Variants in CSMD1 observed in about 807,000 individuals in gnomAD.
CSMD1 encodes CUB and sushi domain-containing protein 1.
A neutral mutation model predicts 417.5 loss-of-function variants in CSMD1; 213 were observed. That is an observed-to-expected ratio of 0.51 (90% CI 0.46 to 0.57). CSMD1 has a LOEUF of 0.57. Among genes scored for constraint, CSMD1 ranks in the 20% least tolerant of loss-of-function variants. The pLI, the probability that CSMD1 is intolerant of heterozygous loss-of-function variation, is 0.00. For synonymous variants in CSMD1, 2,862 were observed against 1,736.8 expected (o/e 1.65, Z -16.11); for missense variants, 6,923 against 4,529.7 (o/e 1.53, Z -15.17).
At chr8:4,838,554 C>T (rs189417238) in intron 1 of CSMD1, among the ~76,000 whole-genome samples, 7 of 152,314 alleles carry the variant, frequency 4.6e-5, no homozygotes, top group Admixed American at 3.9e-4. Context: ...CCTGCTTACA[C>T]CTGGGTGGGG....
chr8:4,842,878 G>T (rs1161821775), intron 1 of CSMD1, among the ~76,000 whole-genome samples: 2 of 152,218 alleles, frequency 1.3e-5, no homozygotes, highest in African/African-American at 4.8e-5. Context: ...CTTATCAATA[G>T]AACAATGGAA....
At chr8:4,484,578 T>G (rs1242559740) in intron 2 of CSMD1, among the ~76,000 whole-genome samples, 4 of 152,060 alleles carry the variant, frequency 2.6e-5, no homozygotes, top group African/African-American at 9.7e-5. Context: ...CATCACTCGC[T>G]CTCTCAGGTA....
intron 3 of CSMD1, among the ~76,000 whole-genome samples, chr8:4,252,436 G>T (rs1047603636): frequency 2.6e-5 from 4 of 152,178 alleles, no homozygotes; most frequent in African/African-American, 9.7e-5. Flanking sequence ...AAATAAACTC[G>T]AGGGGACCTG....
intron 1 of CSMD1, among the ~76,000 whole-genome samples, chr8:4,960,407 C>T (rs1356185161): frequency 6.6e-6 from 1 of 152,186 alleles, no homozygotes; most frequent in South Asian, 2.1e-4. Context: ...CTACCGATCT[C>T]ACTCTTCTTT....
intron 62 of CSMD1, among the ~76,000 whole-genome samples, chr8:2,959,724 C>G (rs758255067): frequency 1.3e-5 from 2 of 152,070 alleles, no homozygotes; most frequent in Non-Finnish European, 2.9e-5. Flanking sequence ...AAATGGCTCA[C>G]TTTGTGTAAG....
intron 3 of CSMD1, among the ~76,000 whole-genome samples, chr8:4,184,901 C>T (rs562321327): frequency 6.7e-6 from 1 of 149,522 alleles, no homozygotes; most frequent in Admixed American, 6.6e-5. Context: ...AGTTCAAGAC[C>T]AGCCTCTGGG....
intron 68 of CSMD1, among the ~76,000 whole-genome samples, chr8:2,947,934 T>A (rs1192663615): frequency 6.6e-6 from 1 of 151,978 alleles, no homozygotes; most frequent in Non-Finnish European, 1.5e-5. Flanking sequence ...TATCCTTTTT[T>A]TTTTTTTGGC....
chr8:3,716,553 G>T (rs578012474), intron 6 of CSMD1, among the ~76,000 whole-genome samples: 1 of 152,114 alleles, frequency 6.6e-6, no homozygotes, highest in Non-Finnish European at 1.5e-5. Flanking sequence ...AGTCACTCTC[G>T]TCCCCGTCTT....
At chr8:4,884,356 A>C (rs1338868829) in intron 1 of CSMD1, among the ~76,000 whole-genome samples, 1 of 151,914 alleles carries the variant, frequency 6.6e-6, no homozygotes, top group African/African-American at 2.4e-5. Context: ...ATTTCCTTTG[A>C]GGTACAACGT....
intron 1 of CSMD1, among the ~76,000 whole-genome samples, chr8:4,786,485 T>C (rs1209505691): frequency 6.6e-6 from 1 of 152,224 alleles, no homozygotes; most frequent in East Asian, 1.9e-4. Context: ...AGATATCTCA[T>C]TTTATTTTAT....
chr8:3,997,674 G>T (rs749000129), intron 5 of CSMD1, among the ~76,000 whole-genome samples: 1 of 150,266 alleles, frequency 6.7e-6, no homozygotes, highest in Non-Finnish European at 1.5e-5. Context: ...ACAAGTTCAA[G>T]CACACAGATG....
chr8:4,588,623 A>G (rs1323140286), intron 2 of CSMD1, among the ~76,000 whole-genome samples: 2 of 151,858 alleles, frequency 1.3e-5, no homozygotes, highest in Non-Finnish European at 2.9e-5. Flanking sequence ...CATCCCTACT[A>G]AAAACACAAA....
At chr8:3,311,177 A>C (rs181442678) in intron 23 of CSMD1, among the ~76,000 whole-genome samples, 4 of 152,362 alleles carry the variant, frequency 2.6e-5, no homozygotes, top group Admixed American at 2.6e-4. Flanking sequence ...TAGTTGTGGA[A>C]AATCATCTAG....
At chr8:4,425,488 T>C (rs1045502065) in intron 2 of CSMD1, among the ~76,000 whole-genome samples, 14 of 152,106 alleles carry the variant, frequency 9.2e-5, no homozygotes, top group Admixed American at 6.6e-4. Context: ...TGTGATTAAA[T>C]GTTTATAGCC....
intron 3 of CSMD1, among the ~76,000 whole-genome samples, chr8:4,407,016 C>T (rs1036837712): frequency 6.6e-6 from 1 of 152,154 alleles, no homozygotes; most frequent in Non-Finnish European, 1.5e-5. Context: ...ACCATAGCTA[C>T]GGGTCCCCTG....
intron 3 of CSMD1, among the ~76,000 whole-genome samples, chr8:4,242,869 A>C (rs988444497): frequency 6.6e-6 from 1 of 152,234 alleles, no homozygotes; most frequent in Non-Finnish European, 1.5e-5. Context: ...TTAAAGCATC[A>C]GGATGAAATA....
chr8:4,955,355 A>G (rs548259862), intron 1 of CSMD1, among the ~76,000 whole-genome samples: 80 of 152,248 alleles, frequency 5.3e-4, no homozygotes, highest in Non-Finnish European at 8.5e-4. Flanking sequence ...CATGCATTTT[A>G]TGACTTTTTA....
At chr8:2,951,030 T>C in intron 66 of CSMD1, 84 bp downstream of exon 66, 1 of 1,408,822 alleles carries the variant, frequency 7.1e-7, no homozygotes, top group Non-Finnish European at 9.7e-7. Flanking sequence ...AAGTACTTAA[T>C]ACTTACTAGA....
At chr8:4,185,294 C>A (rs1554485766) in intron 3 of CSMD1, among the ~76,000 whole-genome samples, 1 of 151,960 alleles carries the variant, frequency 6.6e-6, no homozygotes, top group Non-Finnish European at 1.5e-5. Context: ...ATTGTTTAAT[C>A]TTTTTGTTTT....
Sources: gnomAD v4.1 joint callset for allele counts (sites outside exome capture counted in the v4.1 genomes callset) on GRCh38, gnomAD v4.1.1 for gene constraint, MANE v1.5 for transcripts, NCBI Gene and HGNC (gene_info 2026-07-23, HGNC 2026-07-21) for gene names.